The following KIFAP3 variants were observed in gnomAD, a reference collection of about 807,000 sequenced individuals.
KIFAP3 encodes the protein kinesin-associated protein 3.
In KIFAP3, 68 loss-of-function variants were observed where a neutral mutation model predicts 106.5. That is an observed-to-expected ratio of 0.64 (90% CI 0.53 to 0.78). The LOEUF (loss-of-function observed/expected upper bound fraction) is 0.78. Among genes scored for constraint, KIFAP3 ranks in the 30% least tolerant of loss-of-function variants. The pLI is 0.00. For missense variants in KIFAP3, 780 were observed against 941.8 expected, an observed-to-expected ratio of 0.83 and a Z score of 2.25; for synonymous variants, 320 against 311.5, an observed-to-expected ratio of 1.03 and a Z score of -0.29.
At chr1:169,965,705 A>C (rs1267387666) in intron 17 of KIFAP3, among the ~76,000 whole-genome samples, 1 of 152,146 alleles carries the variant, frequency 6.6e-6, no homozygotes, top group Non-Finnish European at 1.5e-5. Flanking sequence ...TTCATAAACA[A>C]TTGCCCTTCT....
At chr1:170,029,874 A>G (rs978058346) in intron 8 of KIFAP3, among the ~76,000 whole-genome samples, 1 of 152,028 alleles carries the variant, frequency 6.6e-6, no homozygotes, top group African/African-American at 2.4e-5. Flanking sequence ...TTCAGTAGAT[A>G]AAAGATAGTG....
At chr1:170,038,121 T>C (rs1474212411) in intron 5 of KIFAP3, among the ~76,000 whole-genome samples, 169 bp downstream of exon 5, 3 of 152,226 alleles carry the variant, frequency 2.0e-5, no homozygotes, top group African/African-American at 7.2e-5. Flanking sequence ...CTTGTTTACA[T>C]TAAATGGTTT....
rs552664797 is a variant in KIFAP3, at chr1:169,964,566, A to G, written c.1984-3331T>C. Among the ~76,000 whole-genome samples, 5 of 152,296 alleles carry G rather than the reference A, an allele frequency of 3.3e-5. No individual in the cohort carries two copies. In the South Asian group the frequency reaches 1.0e-3, roughly 32 times the overall value. ...ACCAAGGAGTGATATTGGAAGAAGTAGCTTCTGGTCTGGTAAGTATATTAA... is the reference window on the plus strand; with the variant it reads ...ACCAAGGAGTGATATTGGAAGAAGTGGCTTCTGGTCTGGTAAGTATATTAA... On this transcript the variant is annotated intron_variant, in intron 17 of 19. Coordinates refer to ENST00000361580, the MANE Select transcript of KIFAP3 (RefSeq NM_014970.4).
At chr1:170,012,359 A>G (rs1668285003) in intron 10 of KIFAP3, among the ~76,000 whole-genome samples, 1 of 152,092 alleles carries the variant, frequency 6.6e-6, no homozygotes, top group Admixed American at 6.6e-5. Flanking sequence ...AGACTTGCAA[A>G]CTTTAATAAA....
intron 19 of KIFAP3, among the ~76,000 whole-genome samples, chr1:169,937,076 A>G (rs924599683): frequency 4.6e-5 from 7 of 151,116 alleles, no homozygotes; most frequent in African/African-American, 1.7e-4. Context: ...TAAGCCTGAT[A>G]ATACTATTAC....
chr1:169,951,884 T>G (rs923484715), intron 19 of KIFAP3, among the ~76,000 whole-genome samples: 1 of 151,928 alleles, frequency 6.6e-6, no homozygotes, highest in Non-Finnish European at 1.5e-5. Context: ...ATTAATCTTA[T>G]AAATGCTATA....
In KIFAP3 at chr1:170,050,640, A is replaced by G. The variant is rs1355231911; in HGVS notation, c.165-3774T>C. ...GGGAAGCCCGTCAGACTAACAGCGG[A>G]TCTCTCTGCAGAAATTCTACAAGCC... On this transcript the variant is annotated intron_variant, in intron 2 of 19. Coordinates refer to ENST00000361580, the MANE Select transcript of KIFAP3 (RefSeq NM_014970.4). Among the ~76,000 whole-genome samples the G allele has an allele frequency of 3.9e-5, 6 of 152,242 alleles. No homozygotes were observed. The East Asian group carries it at 1.2e-3, about 29-fold the overall frequency.
At chr1:170,058,121 G>A (rs1455152411) in intron 1 of KIFAP3, among the ~76,000 whole-genome samples, 3 of 152,208 alleles carry the variant, frequency 2.0e-5, no homozygotes, top group Middle Eastern at 3.4e-3. Context: ...ATTTCATGTG[G>A]TTAGAGATAT....
rs1162040292 is a variant in KIFAP3 at position 169,921,705 on chromosome 1, C to A, written c.2350G>T (p.Glu784Ter). The A allele has an allele frequency of 1.2e-6, 2 of 1,613,672 alleles. No homozygotes were observed. The highest frequency in any genetic ancestry group is 1.1e-5 in the South Asian group (1 of 91,042). ...GATCCATAGCCATAGTAGTAAGGTTCATCAGGGCGGAATCCATATGCTGTG... is the reference window on the plus strand; with the variant it reads ...GATCCATAGCCATAGTAGTAAGGTTAATCAGGGCGGAATCCATATGCTGTG... ...PATAYGFRPD[E>*]PYYYGYGS Residue 784 changes from glutamate (E) to a stop codon, truncating the protein, a stop_gained, in exon 20 of 20, where the codon GAA becomes TAA. Transcript: ENST00000361580. LOFTEE classifies it high-confidence loss of function.
At chr1:170,059,420 T>A (rs535106870) in intron 1 of KIFAP3, among the ~76,000 whole-genome samples, 3 of 152,198 alleles carry the variant, frequency 2.0e-5, no homozygotes, top group East Asian at 3.9e-4. Flanking sequence ...AAGAAATGGA[T>A]AAATTCCTGG....
At chr1:169,981,319 T>C (rs924632258) in intron 15 of KIFAP3, among the ~76,000 whole-genome samples, 4 of 152,120 alleles carry the variant, frequency 2.6e-5, no homozygotes, top group African/African-American at 9.7e-5. Flanking sequence ...CTCCATCCCA[T>C]CCAAGACATG....
intron 10 of KIFAP3, among the ~76,000 whole-genome samples, chr1:169,996,133 A>C (rs1667363259): frequency 6.6e-6 from 1 of 152,172 alleles, no homozygotes; most frequent in Non-Finnish European, 1.5e-5. Flanking sequence ...TTTTGCAGCC[A>C]GTCCTAATTC....
intron 16 of KIFAP3, among the ~76,000 whole-genome samples, chr1:169,974,357 G>T (rs914769491): frequency 6.6e-6 from 1 of 151,896 alleles, no homozygotes; most frequent in Non-Finnish European, 1.5e-5. Flanking sequence ...ACCATTATTT[G>T]TATCACTGAT....
intron 10 of KIFAP3, among the ~76,000 whole-genome samples, chr1:170,004,579 C>G (rs1262568661): frequency 6.6e-6 from 1 of 152,086 alleles, no homozygotes; most frequent in African/African-American, 2.4e-5. Context: ...TGATCTTTGA[C>G]AAACCTGAGA....
intron 10 of KIFAP3, among the ~76,000 whole-genome samples, chr1:170,010,297 A>G (rs1333188905): frequency 6.6e-6 from 1 of 151,970 alleles, no homozygotes; most frequent in African/African-American, 2.4e-5. Flanking sequence ...AACTACTCAA[A>G]CAATTTCAGC....
At chr1:169,971,827 C>T (rs891711642) in intron 17 of KIFAP3, among the ~76,000 whole-genome samples, 8 of 151,924 alleles carry the variant, frequency 5.3e-5, no homozygotes, top group East Asian at 1.9e-4. Flanking sequence ...CGTGGTTGTG[C>T]GTAGCAGTAT....
At chr1:169,976,304 A>G (rs1255338190) in intron 16 of KIFAP3, among the ~76,000 whole-genome samples, 1 of 152,186 alleles carries the variant, frequency 6.6e-6, no homozygotes, top group Non-Finnish European at 1.5e-5. Context: ...AATTCTACAC[A>G]TAAAATACAT....
chr1:169,976,166 A>T (rs1336246804), intron 16 of KIFAP3, among the ~76,000 whole-genome samples: 1 of 152,158 alleles, frequency 6.6e-6, no homozygotes, highest in African/African-American at 2.4e-5. Flanking sequence ...TTCACTTTTT[A>T]GTCCTCACAA....
intron 10 of KIFAP3, among the ~76,000 whole-genome samples, chr1:169,996,290 T>A (rs1023418223): frequency 2.6e-5 from 4 of 152,156 alleles, no homozygotes; most frequent in African/African-American, 9.7e-5. Flanking sequence ...TCCAATTTCC[T>A]ATAATATTCA....
Sources: allele counts gnomAD v4.1 joint callset (sites outside exome capture counted in the v4.1 genomes callset), GRCh38; gene constraint gnomAD v4.1.1; transcripts MANE v1.5; gene names NCBI Gene and HGNC (gene_info 2026-07-23, HGNC 2026-07-21).